Variants in PRUNE2 observed in about 807,000 individuals in gnomAD.
PRUNE2 encodes prune homolog 2 with BCH domain, also known as protein prune homolog 2.
PRUNE2 carries 164 observed loss-of-function variants against 252.0 expected under a neutral mutation model. The ratio of observed to expected loss-of-function variants is 0.65; its 90% CI spans 0.57 to 0.74. The LOEUF (loss-of-function observed/expected upper bound fraction) is 0.74. Among genes scored for constraint, PRUNE2 ranks in the 30% least tolerant of loss-of-function variants. PRUNE2 has a pLI of 0.00. For synonymous variants in PRUNE2, 1,292 were observed against 1,350.2 expected (o/e 0.96, Z 0.94); for missense variants, 3,495 against 3,711.0 (o/e 0.94, Z 1.51).
In PRUNE2 at chr9:76,612,479, T is replaced by C. The variant is rs1380392761; in HGVS notation, c.*2091A>G. The C allele has an allele frequency of 1.3e-5, 2 of 152,018 alleles. No individual in the cohort carries two copies. Among genetic ancestry groups the C allele is most frequent in the African/African-American group, 2.4e-5 (1 of 41,376 alleles). 9.4% of individuals were successfully genotyped at this position (152,018 alleles called of 1,614,324 possible). A position where few individuals can be genotyped will look rare whatever the true frequency, so the allele number is the denominator to read the frequency against. On this transcript the variant is annotated 3_prime_UTR_variant, in exon 19 of 19. Coordinates refer to ENST00000376718, the MANE Select transcript of PRUNE2 (RefSeq NM_015225.3). The stretch of plus-strand genomic sequence containing the variant: ...AAAATGGGATGCTACTGAGTGAAAG[T>C]AGCAAATAGGTGAACAAACAGGAAT...
At chr9:76,779,887 T>C (rs1168750028) in intron 6 of PRUNE2, 2 of 152,242 alleles carry the variant, frequency 1.3e-5, no homozygotes, top group Non-Finnish European at 2.9e-5. Context: ...CTTTCCTCTA[T>C]ACAGAGAAAT....
intron 9 of PRUNE2, among the ~76,000 whole-genome samples, chr9:76,657,245 C>T (rs1347479825): frequency 6.6e-6 from 1 of 152,192 alleles, no homozygotes; most frequent in African/African-American, 2.4e-5. Flanking sequence ...AATCTTAGTT[C>T]TACCACTTAC....
intron 1 of PRUNE2, among the ~76,000 whole-genome samples, chr9:76,883,931 T>C (rs1290558574): frequency 6.6e-6 from 1 of 152,190 alleles, no homozygotes; most frequent in Admixed American, 6.5e-5. Flanking sequence ...AAACAGTATA[T>C]GAGACATGCT....
At chr9:76,682,040 G>A (rs1270167371) in intron 9 of PRUNE2, among the ~76,000 whole-genome samples, 2 of 152,104 alleles carry the variant, frequency 1.3e-5, no homozygotes, top group African/African-American at 4.8e-5. Context: ...GGCAGAGGAG[G>A]TGACAAAATG....
At chr9:76,870,913 A>G (rs2061161772) in intron 1 of PRUNE2, among the ~76,000 whole-genome samples, 1 of 152,184 alleles carries the variant, frequency 6.6e-6, no homozygotes, top group African/African-American at 2.4e-5. Flanking sequence ...AACTCCAGGG[A>G]GTGCCATTCA....
chr9:76,656,514 T>A (rs1283602806), intron 9 of PRUNE2, among the ~76,000 whole-genome samples: 1 of 152,222 alleles, frequency 6.6e-6, no homozygotes, highest in Non-Finnish European at 1.5e-5. Flanking sequence ...TGGAGTTTAA[T>A]CTGCTTCTCC....
intron 1 of PRUNE2, among the ~76,000 whole-genome samples, chr9:76,878,285 T>C (rs1406956426): frequency 6.6e-6 from 1 of 152,344 alleles, no homozygotes; most frequent in Admixed American, 6.5e-5. Context: ...TTAAAGCTCA[T>C]GGACATGTTC....
In PRUNE2 at chr9:76,797,224, G is replaced by A. The variant is rs532062631; in HGVS notation, c.756+26408C>T. 7.8e-4 allele frequency among the ~76,000 whole-genome samples: 118 copies of A among 151,818 alleles called. 3 individuals carry two copies. The highest frequency in any genetic ancestry group is 1.4e-3 in the Admixed American group (21 of 15,228). ...GAAAGAATGTATTTCATTAGTTATA[G>A]TTTCTCTTTTACGTTCTATATAATT... On this transcript the variant is annotated intron_variant, in intron 6 of 18. Transcript: ENST00000376718.
At position 76,710,531 on chromosome 9, in the gene PRUNE2, A is replaced by C; in HGVS notation, c.1743T>G (p.Ser581=). The C allele has an allele frequency of 6.2e-7, 1 of 1,613,914 alleles. No homozygotes were observed. ...VQRQDSPRDN[S]ERNLSLTDFV... ...AATCTGTCAGGCTCAAATTTCTTTC[A>C]GAGTTATCTCTGGGACTGTCTTGTC... Residue 581 remains serine, a synonymous_variant, in exon 8 of 19, where the codon TCT becomes TCG. Transcript: ENST00000376718.
intron 1 of PRUNE2, chr9:76,862,721 A>C (rs2060621929): frequency 1.3e-5 from 2 of 152,234 alleles, no homozygotes; most frequent in South Asian, 4.1e-4. Flanking sequence ...TCACAAAAAA[A>C]AACCTAATTC....
chr9:76,894,024 G>A (rs2062655148), intron 1 of PRUNE2, among the ~76,000 whole-genome samples: 2 of 152,162 alleles, frequency 1.3e-5, no homozygotes, highest in African/African-American at 4.8e-5. Context: ...TCTCCCTCTT[G>A]TTTATCTTTT....
chr9:76,775,649 T>A (rs1469600975), intron 6 of PRUNE2, among the ~76,000 whole-genome samples: 1 of 152,218 alleles, frequency 6.6e-6, no homozygotes, highest in Non-Finnish European at 1.5e-5. Flanking sequence ...ATATTTCTTC[T>A]CTTCAGGTAT....
At chr9:76,620,216 T>C (rs938555755) in intron 17 of PRUNE2, among the ~76,000 whole-genome samples, 1 of 151,586 alleles carries the variant, frequency 6.6e-6, no homozygotes, top group African/African-American at 2.4e-5. Context: ...CTTGGCTCAC[T>C]GCAACCTCTG....
At chr9:76,622,712 G>A (rs1255567221) in intron 17 of PRUNE2, among the ~76,000 whole-genome samples, 1 of 152,152 alleles carries the variant, frequency 6.6e-6, no homozygotes, top group Non-Finnish European at 1.5e-5. Context: ...TTGATTACTA[G>A]TATTTTCCTT....
chr9:76,753,279 C>CA (rs2050788451), intron 6 of PRUNE2, among the ~76,000 whole-genome samples: 1 of 152,174 alleles, frequency 6.6e-6, no homozygotes, highest in African/African-American at 2.4e-5. Context: ...AGTCCTGCCT[C>CA]AACCTCCCAA....
intron 17 of PRUNE2, among the ~76,000 whole-genome samples, chr9:76,623,809 G>A (rs1474207843): frequency 6.6e-6 from 1 of 152,116 alleles, no homozygotes. Context: ...TCTTTGAACT[G>A]GCTTTAACAC....
At chr9:76,767,158 A>G (rs1434370787) in intron 6 of PRUNE2, among the ~76,000 whole-genome samples, 2 of 152,080 alleles carry the variant, frequency 1.3e-5, no homozygotes, top group Non-Finnish European at 2.9e-5. Flanking sequence ...ACCTATTCAA[A>G]ACAGAATCTT....
chr9:76,615,229 C>T, intron 18 of PRUNE2: 2 of 985,408 alleles, frequency 2.0e-6, no homozygotes, highest in Non-Finnish European at 2.4e-6. Flanking sequence ...GTGAACACAG[C>T]ACAACTTCCT....
chr9:76,654,934 T>C (rs1848665461), intron 10 of PRUNE2, among the ~76,000 whole-genome samples: 1 of 152,192 alleles, frequency 6.6e-6, no homozygotes, highest in African/African-American at 2.4e-5. Flanking sequence ...GTCATATAAG[T>C]TGCAATTGAA....
Sources: gnomAD v4.1 joint callset for allele counts (sites outside exome capture counted in the v4.1 genomes callset) on GRCh38, gnomAD v4.1.1 for gene constraint, MANE v1.5 for transcripts, NCBI Gene and HGNC (gene_info 2026-07-23, HGNC 2026-07-21) for gene names.